Variants in ASNS observed in about 807,000 individuals in gnomAD.
The protein encoded by ASNS is asparagine synthetase [glutamine-hydrolyzing].
ASNS carries 37 observed loss-of-function variants against 62.6 expected under a neutral mutation model. The ratio of observed to expected loss-of-function variants is 0.59; its 90% CI spans 0.45 to 0.78. The LOEUF (loss-of-function observed/expected upper bound fraction) is 0.78. Ranked by LOEUF, ASNS falls within the 30% of genes least tolerant of loss-of-function variation. The probability of loss-of-function intolerance (pLI) is 0.00; values close to 1 mark genes in which losing one functional copy is unlikely to be tolerated. For synonymous variants in ASNS, 207 were observed against 237.9 expected (o/e 0.87, Z 1.19); for missense variants, 520 against 682.4 (o/e 0.76, Z 2.65).
the ASNS span, among the ~76,000 whole-genome samples, chr7:97,896,711 TACACACACAC>T: frequency 7.9e-4 from 35 of 44,258 alleles, no homozygotes; most frequent in African/African-American, 2.0e-3. Context: ...TGTATATATA[TACACACACAC>T]ACACACACAC....
chr7:97,873,548 CAG>C (rs1792371459), upstream of ASNS, among the ~76,000 whole-genome samples: 1 of 151,464 alleles, frequency 6.6e-6, no homozygotes, highest in African/African-American at 2.4e-5. Flanking sequence ...CAGTATCAAA[CAG>C]ACTTTGCTGT....
intron 3 of ASNS, among the ~76,000 whole-genome samples, chr7:97,865,926 G>T (rs140489931): frequency 6.6e-6 from 1 of 152,186 alleles, no homozygotes; most frequent in East Asian, 1.9e-4. Flanking sequence ...TTTTCCCTAG[G>T]GAACGCCAAA....
chr7:97,862,620 G>A (rs1483258567), intron 4 of ASNS, among the ~76,000 whole-genome samples: 1 of 152,046 alleles, frequency 6.6e-6, no homozygotes, highest in Non-Finnish European at 1.5e-5. Context: ...ATGAACTTCA[G>A]TTAATATATA....
the ASNS span, among the ~76,000 whole-genome samples, chr7:97,895,575 C>A: frequency 1.3e-5 from 2 of 152,162 alleles, no homozygotes; most frequent in Non-Finnish European, 2.9e-5. Flanking sequence ...GGACGGATCA[C>A]CTGAGGTTGG....
In ASNS at chr7:97,852,227, T is replaced by C; in HGVS notation, c.*32A>G. On this transcript the variant is annotated 3_prime_UTR_variant, in exon 13 of 13. Transcript: ENST00000394308. ...ACAGTCCCCATCCAACACGAAGAAA[T>C]ATTTGCTTTCACATTACAGCATAAA... is the stretch of plus-strand genomic sequence containing the variant. 1 of 1,609,752 alleles carries C rather than the reference T, an allele frequency of 6.2e-7. No individual in the cohort carries two copies. Among genetic ancestry groups the C allele is most frequent in the African/African-American group, 1.3e-5 (1 of 74,932 alleles).
the ASNS span, among the ~76,000 whole-genome samples, chr7:97,919,045 TTTTG>T: frequency 6.6e-6 from 1 of 152,090 alleles, no homozygotes; most frequent in Non-Finnish European, 1.5e-5. Context: ...CAAGAGGATG[TTTTG>T]TTTTTTGTTT....
At chr7:97,915,830 C>T in the ASNS span, among the ~76,000 whole-genome samples, 3 of 152,088 alleles carry the variant, frequency 2.0e-5, no homozygotes, top group African/African-American at 4.8e-5. Context: ...ATCACAGCAC[C>T]GACCTCATAC....
chr7:97,897,915 T>C, the ASNS span, among the ~76,000 whole-genome samples: 1 of 152,182 alleles, frequency 6.6e-6, no homozygotes, highest in South Asian at 2.1e-4. Context: ...TAGAATAGTA[T>C]TCAGCCATAA....
intron 1 of ASNS, chr7:97,870,245 A>C: frequency 1.2e-6 from 1 of 802,046 alleles, no homozygotes; most frequent in Non-Finnish European, 1.9e-6. Flanking sequence ...GATTGTACAC[A>C]GAGGTCCAGA....
chr7:97,871,071 G>A (rs891692895), intron 1 of ASNS, among the ~76,000 whole-genome samples: 6 of 152,120 alleles, frequency 3.9e-5, no homozygotes, highest in African/African-American at 1.4e-4. Flanking sequence ...AGCCACATAT[G>A]TAATTTTAAA....
At chr7:97,927,313 C>A in the ASNS span, among the ~76,000 whole-genome samples, 2 of 152,144 alleles carry the variant, frequency 1.3e-5, no homozygotes, top group Admixed American at 6.5e-5. Flanking sequence ...CATTTATCCA[C>A]CATACACTAT....
chr7:97,911,134 T>A, the ASNS span, among the ~76,000 whole-genome samples: 1 of 152,166 alleles, frequency 6.6e-6, no homozygotes, highest in African/African-American at 2.4e-5. Context: ...CCCTCATGTT[T>A]TTAGAGGGAA....
the ASNS span, among the ~76,000 whole-genome samples, chr7:97,903,210 G>C: frequency 6.6e-6 from 1 of 150,680 alleles, no homozygotes; most frequent in Non-Finnish European, 1.5e-5. Context: ...TCATTTAGAG[G>C]TAGGTAGAGT....
chr7:97,909,471 G>A, the ASNS span, among the ~76,000 whole-genome samples: 1 of 148,644 alleles, frequency 6.7e-6, no homozygotes, highest in African/African-American at 2.5e-5. Flanking sequence ...ATCATGCCTG[G>A]CTAATTTTTG....
chr7:97,887,464 T>C, the ASNS span, among the ~76,000 whole-genome samples: 1 of 152,156 alleles, frequency 6.6e-6, no homozygotes, highest in Non-Finnish European at 1.5e-5. Context: ...AGAATCGGAG[T>C]ATATTTCTCC....
the ASNS span, among the ~76,000 whole-genome samples, chr7:97,904,309 CACACACACAGAG>C: frequency 4.8e-5 from 7 of 145,378 alleles, no homozygotes; most frequent in African/African-American, 1.5e-4. Context: ...CACACACACA[CACACACACAGAG>C]AGAGAGAAAT....
At chr7:97,885,522 C>A in the ASNS span, among the ~76,000 whole-genome samples, 1 of 152,226 alleles carries the variant, frequency 6.6e-6, no homozygotes, top group Non-Finnish European at 1.5e-5. Context: ...TCCATTTATA[C>A]ATTCTCTTTA....
At chr7:97,859,136 C>A in intron 5 of ASNS, 77 bp downstream of exon 5, 1 of 1,519,236 alleles carries the variant, frequency 6.6e-7, no homozygotes. Context: ...TAAAATCATT[C>A]AAATGATGGG....
the ASNS span, among the ~76,000 whole-genome samples, chr7:97,892,477 CAT>C: frequency 6.6e-6 from 1 of 152,126 alleles, no homozygotes; most frequent in Non-Finnish European, 1.5e-5. Flanking sequence ...TTTTCTATTG[CAT>C]TGTCAGGCTG....
Sources: gnomAD v4.1 joint callset for allele counts (sites outside exome capture counted in the v4.1 genomes callset) on GRCh38, gnomAD v4.1.1 for gene constraint, MANE v1.5 for transcripts, NCBI Gene and HGNC (gene_info 2026-07-23, HGNC 2026-07-21) for gene names.